The following CDHR4 variants were observed in gnomAD, a reference collection of about 807,000 sequenced individuals.
The protein encoded by CDHR4 is cadherin-related family member 4.
CDHR4 carries 89 observed loss-of-function variants against 88.4 expected under a neutral mutation model. The ratio of observed to expected loss-of-function variants is 1.01; its 90% CI spans 0.85 to 1.20. CDHR4 has a LOEUF of 1.20. Ranked by LOEUF, CDHR4 falls within the 50% of genes most tolerant of loss-of-function variation. The pLI, the probability that CDHR4 is intolerant of heterozygous loss-of-function variation, is 0.00. For missense variants in CDHR4, 914 were observed against 1,007.2 expected (o/e 0.91, Z 1.25); for synonymous variants, 368 against 399.2 (o/e 0.92, Z 0.93).
At chr3:49,792,692 C>A in intron 14 of CDHR4, 82 bp from the exon 15 acceptor site, 1 of 1,517,500 alleles carries the variant, frequency 6.6e-7, no homozygotes, top group Non-Finnish European at 8.9e-7. Flanking sequence ...CCGGGCTAAG[C>A]CACCCCACAC....
rs763221367 is a variant in CDHR4 at position 49,793,017 on chromosome 3, A to G, written c.1832T>C (p.Val611Ala). Reference sequence around the variant, plus strand: ...CTGCTCTGGCCAGAACGGCCCCAACACAAGGTCACTGTGCACCAGGATGGC... The same window carrying G: ...CTGCTCTGGCCAGAACGGCCCCAACGCAAGGTCACTGTGCACCAGGATGGC... ...QGAILVHSDLVLGPFWPEQPR... is the reference protein window; with the variant it reads ...QGAILVHSDLALGPFWPEQPR... The change falls in exon 14 of 19, where the codon GTG becomes GCG. Residue 611 changes from valine (V) to alanine (A), a missense_variant. Val to Ala is a moderately conservative substitution (Grantham distance 64, BLOSUM62 0). Transcript: ENST00000412678. 6 of 1,551,544 alleles carry G rather than the reference A, an allele frequency of 3.9e-6. No homozygotes were observed. The highest frequency in any genetic ancestry group is 1.7e-4 in the Middle Eastern group (1 of 6,014).
At chr3:49,794,572 T>C in intron 10 of CDHR4, 36 bp downstream of exon 10, 1 of 1,502,248 alleles carries the variant, frequency 6.7e-7, no homozygotes, top group Non-Finnish European at 9.0e-7. Flanking sequence ...CAGAACAGCC[T>C]TGTCCTGGGT....
In CDHR4 at chr3:49,793,589, C is replaced by T. The variant is rs267599877; in HGVS notation, c.1617G>A (p.Glu539=). ...AGCCTTAGGACGCAATTACCTCAAC[C>T]TCGATGGTAATGGTACAGGAGCCTG... ...HLSGSCTITI[E]VEDVNDHAPE... The change falls in exon 12 of 19, where the codon GAG becomes GAA. Residue 539 remains glutamate (E), a synonymous_variant. Coordinates refer to ENST00000412678, the MANE Select transcript of CDHR4 (RefSeq NM_001007540.4). 6.4e-7 allele frequency: 1 copy of T among 1,551,748 alleles called. No individual in the cohort carries two copies. The highest frequency in any genetic ancestry group is 8.7e-7 in the Non-Finnish European group (1 of 1,146,986).
At chr3:49,791,492 A>G (rs2108274622) in intron 17 of CDHR4, 24 bp from the exon 18 acceptor site, 1 of 1,538,268 alleles carries the variant, frequency 6.5e-7, no homozygotes, top group South Asian at 1.2e-5. Flanking sequence ...AAAAAAAAAG[A>G]TGCAATGAAT....
rs759524530 is a variant in CDHR4, at chr3:49,793,037, G to C, written c.1812C>G (p.Ile604Met). The change falls in exon 14 of 19, where the codon ATC (isoleucine) becomes ATG (methionine). Residue 604 changes from isoleucine to methionine, a missense_variant. Physicochemically the swap from Ile to Met is conservative, Grantham distance 10. Transcript: ENST00000412678. ...SQNRFILQGAILVHSDLVLGP... is the reference protein window; with the variant it reads ...SQNRFILQGAMLVHSDLVLGP... ...CCAACACAAGGTCACTGTGCACCAG[G>C]ATGGCCCCTTGCAGGATGAATCGGT... is the stretch of plus-strand genomic sequence containing the variant. The C allele has an allele frequency of 3.0e-5, 47 of 1,551,434 alleles. No homozygotes were observed. Among genetic ancestry groups the C allele is most frequent in the Admixed American group, 3.9e-5 (2 of 50,986 alleles).
At chr3:49,797,080 G>A (rs1276362171) in intron 4 of CDHR4, 48 bp from the exon 5 acceptor site, 5 of 1,485,072 alleles carry the variant, frequency 3.4e-6, no homozygotes, top group African/African-American at 2.8e-5. Context: ...CCAGTGCCCT[G>A]AGCACCCCCA....
Position 49,795,549 on chromosome 3 carries a change from T to A in CDHR4, c.847+79A>T. On this transcript the variant is annotated intron_variant, in intron 7 of 18. Transcript: ENST00000412678. This position sits in a 1 kb window ranked among gnomAD's most constrained non-coding sequence, Gnocchi z 5.4. ...AAGACCAGGCCCCCAAACAGGAAGGTGAAGAGGTACTATGGGTCACCTCTG... is the reference window on the plus strand; with the variant it reads ...AAGACCAGGCCCCCAAACAGGAAGGAGAAGAGGTACTATGGGTCACCTCTG... 6.5e-7 allele frequency: 1 copy of A among 1,528,248 alleles called. No individual in the cohort carries two copies. Among genetic ancestry groups the A allele is most frequent in the Non-Finnish European group, 8.8e-7 (1 of 1,132,642 alleles). The allele number at this position is 1,528,248 out of a possible 1,614,324, so 94.7% of individuals were successfully genotyped here. A position where few individuals can be genotyped will look rare whatever the true frequency, so the allele number is the denominator to read the frequency against.
chr3:49,792,026 C>T (rs2081187310), intron 15 of CDHR4, 67 bp from the exon 16 acceptor site: 2 of 1,438,878 alleles, frequency 1.4e-6, no homozygotes, highest in African/African-American at 2.8e-5. Flanking sequence ...GAATCAGCAC[C>T]ATTCACCCAT....
At position 49,790,786 on chromosome 3, in the gene CDHR4, T is replaced by C. The variant is rs1458152807; in HGVS notation, c.*46A>G. The C allele has an allele frequency of 2.7e-6, 4 of 1,480,186 alleles. No homozygotes were observed. In the South Asian group the frequency reaches 5.0e-5, roughly 18 times the overall value. The allele number at this position is 1,480,186 out of a possible 1,614,324, so 91.7% of individuals were successfully genotyped here. A position where few individuals can be genotyped will look rare whatever the true frequency, so the allele number is the denominator to read the frequency against. Reference sequence around the variant, plus strand: ...ATCAACTTGAAAATACAGCCCATGATGGTGTGAAAAAGAAATTCCACACAT... The same window carrying C: ...ATCAACTTGAAAATACAGCCCATGACGGTGTGAAAAAGAAATTCCACACAT... On this transcript the variant is annotated 3_prime_UTR_variant, in exon 19 of 19. Transcript: ENST00000412678.
chr3:49,794,124 C>T (rs1282220751), intron 10 of CDHR4, 118 bp from the exon 11 acceptor site: 11 of 1,017,814 alleles, frequency 1.1e-5, no homozygotes, highest in South Asian at 6.3e-5. Flanking sequence ...GTCTGCTGGG[C>T]GTGGTGGCTC....
upstream of CDHR4, among the ~76,000 whole-genome samples, chr3:49,801,707 T>C (rs151119957): frequency 6.6e-6 from 1 of 152,340 alleles, no homozygotes; most frequent in East Asian, 1.9e-4. Flanking sequence ...TTGATGCCTC[T>C]TTTCCTGCCC....
chr3:49,797,440 G>A (rs530656476), intron 4 of CDHR4, among the ~76,000 whole-genome samples: 8 of 150,532 alleles, frequency 5.3e-5, no homozygotes, highest in Admixed American at 2.0e-4. Flanking sequence ...CACCACACCC[G>A]GCTAATTTCC....
At chr3:49,797,305 GTCTC>G (rs780164929) in intron 4 of CDHR4, among the ~76,000 whole-genome samples, 1 of 145,714 alleles carries the variant, frequency 6.9e-6, no homozygotes, top group African/African-American at 2.6e-5. Flanking sequence ...TTGAGACAGA[GTCTC>G]TCTCTGTCGC....
rs768459737 is a variant in CDHR4, at chr3:49,799,746, C to T, written c.49+18G>A. 5.6e-6 allele frequency: 9 copies of T among 1,613,590 alleles called. No homozygotes were observed. The African/African-American group carries it at 1.2e-4, about 22-fold the overall frequency. On this transcript the variant is annotated intron_variant, in intron 1 of 18. Coordinates refer to ENST00000412678, the MANE Select transcript of CDHR4 (RefSeq NM_001007540.4). Reference sequence around the variant, plus strand: ...CTCCAAGGGAAAACTACGGTTCCCCCACCCACCACCTCCTCACCAGAGACC... The same window carrying T: ...CTCCAAGGGAAAACTACGGTTCCCCTACCCACCACCTCCTCACCAGAGACC...
At chr3:49,790,926 G>C (rs1341388239) in intron 18 of CDHR4, 39 bp from the exon 19 acceptor site, 1 of 1,502,944 alleles carries the variant, frequency 6.7e-7, no homozygotes, top group South Asian at 1.2e-5. Context: ...AGGGGGTGCT[G>C]CTGGCCCCAG....
At chr3:49,798,804 C>A (rs777531940) in intron 4 of CDHR4, 22 bp downstream of exon 4, 2 of 1,609,452 alleles carry the variant, frequency 1.2e-6, no homozygotes. Flanking sequence ...CTGTCACCCA[C>A]CGTCCCATGT....
rs1351638615 is a variant in CDHR4, at chr3:49,795,676, A to G, written c.799T>C (p.Tyr267His). Residue 267 changes from tyrosine to histidine, a missense_variant, in exon 7 of 19, where the codon TAT becomes CAT. Transcript: ENST00000412678. The surrounding 1 kb of genome is among the most constrained non-coding windows in gnomAD (Gnocchi z 5.4). ...QVQARGVDLR[Y>H]EILSPVPSPL... ...CTGGGCACCGGAGACAGGATTTCAT[A>G]GCGCAGGTCGACACCCCGGGCCTGG... 1 of 1,551,646 alleles carries G rather than the reference A, an allele frequency of 6.4e-7. No homozygotes were observed. Among genetic ancestry groups the G allele is most frequent in the Admixed American group, 2.0e-5 (1 of 50,998 alleles).
chr3:49,794,123 G>A, intron 10 of CDHR4, 117 bp from the exon 11 acceptor site: 3 of 1,031,452 alleles, frequency 2.9e-6, no homozygotes, highest in South Asian at 1.6e-5. Context: ...GGTCTGCTGG[G>A]CGTGGTGGCT....
chr3:49,798,641 C>T (rs2081310233), intron 4 of CDHR4, 185 bp downstream of exon 4: 2 of 598,322 alleles, frequency 3.3e-6, no homozygotes, highest in Non-Finnish European at 5.9e-6. Flanking sequence ...TGGGAACAGC[C>T]ATGGTCACTG....
Sources: gnomAD v4.1 joint callset for allele counts (sites outside exome capture counted in the v4.1 genomes callset) on GRCh38, gnomAD v4.1.1 for gene constraint, Gnocchi (gnomAD v3.1) non-coding constraint, MANE v1.5 for transcripts, NCBI Gene and HGNC (gene_info 2026-07-23, HGNC 2026-07-21) for gene names.